CDYL2: variants seen among roughly 807,000 people sequenced by gnomAD.
The protein encoded by CDYL2 is chromodomain Y-like protein 2.
Under a neutral mutation model 49.4 loss-of-function variants are expected in CDYL2, and 23 were observed. The observed-to-expected ratio is 0.47, with a 90% confidence interval of 0.34 to 0.66. The LOEUF is 0.66. Ranked by LOEUF, CDYL2 falls within the 30% of genes least tolerant of loss-of-function variation. CDYL2 has a pLI of 0.01. For synonymous variants in CDYL2, 360 were observed against 268.8 expected (o/e 1.34, Z -3.32); for missense variants, 678 against 656.4 (o/e 1.03, Z -0.36).
intron 3 of CDYL2, among the ~76,000 whole-genome samples, chr16:80,630,086 A>C (rs548893512): frequency 1.3e-5 from 2 of 152,342 alleles, no homozygotes; most frequent in East Asian, 3.9e-4. Context: ...CTCCTCTCAC[A>C]CAGCCTCTTC....
chr16:80,678,952 G>A (rs1437317102), intron 2 of CDYL2, among the ~76,000 whole-genome samples: 5 of 151,104 alleles, frequency 3.3e-5, no homozygotes, highest in South Asian at 2.1e-4. Context: ...ATGAGTTCAC[G>A]TCCTTTGTAG....
At chr16:80,706,828 A>C (rs941879182) in intron 1 of CDYL2, among the ~76,000 whole-genome samples, 2 of 152,218 alleles carry the variant, frequency 1.3e-5, no homozygotes, top group Admixed American at 1.3e-4. Flanking sequence ...GGGAAGGCAG[A>C]AGATAGGCCG....
intron 1 of CDYL2, among the ~76,000 whole-genome samples, chr16:80,760,673 C>T (rs911312032): frequency 2.0e-5 from 3 of 151,900 alleles, no homozygotes; most frequent in African/African-American, 4.8e-5. Context: ...TCATTGTATT[C>T]CTTGTAAGTA....
chr16:80,680,249 C>A (rs1296041064), intron 2 of CDYL2, among the ~76,000 whole-genome samples: 1 of 152,082 alleles, frequency 6.6e-6, no homozygotes, highest in Non-Finnish European at 1.5e-5. Context: ...CTGAATCATG[C>A]AATGTGTGAG....
chr16:80,696,594 G>C (rs995083675), intron 1 of CDYL2, among the ~76,000 whole-genome samples: 1 of 151,654 alleles, frequency 6.6e-6, no homozygotes, highest in African/African-American at 2.4e-5. Flanking sequence ...CCAACAAATT[G>C]GAAAGCCTAG....
At position 80,600,746 on chromosome 16, in the gene CDYL2, T is replaced by G. The variant is rs1279625707; in HGVS notation, c.*3642A>C. ...TCTGTTAAAAAATTTCCACAGAAAC[T>G]AGATTGGAAAATTTAATGGATGTGA... On this transcript the variant is annotated 3_prime_UTR_variant, in exon 7 of 7. Transcript: ENST00000570137. 6.6e-6 allele frequency: 1 copy of G among 151,990 alleles called. No individual in the cohort carries two copies. 9.4% of individuals were successfully genotyped at this position (151,990 alleles called of 1,614,324 possible).
At chr16:80,659,495 T>G (rs1908953197) in intron 2 of CDYL2, among the ~76,000 whole-genome samples, 1 of 152,178 alleles carries the variant, frequency 6.6e-6, no homozygotes, top group Non-Finnish European at 1.5e-5. Context: ...AATATCCTTT[T>G]ATAAAATATC....
chr16:80,686,284 G>T (rs1051144648), intron 1 of CDYL2, among the ~76,000 whole-genome samples: 2 of 152,160 alleles, frequency 1.3e-5, no homozygotes, highest in African/African-American at 4.8e-5. Flanking sequence ...GGGTATGTGA[G>T]GGTTCATTTA....
intron 2 of CDYL2, among the ~76,000 whole-genome samples, chr16:80,636,376 A>C (rs1907824794): frequency 6.6e-6 from 1 of 152,200 alleles, no homozygotes; most frequent in Admixed American, 6.5e-5. Context: ...AAACCCAAAC[A>C]ACCCCATCAA....
chr16:80,644,996 G>A (rs1908271177), intron 2 of CDYL2, among the ~76,000 whole-genome samples: 1 of 152,082 alleles, frequency 6.6e-6, no homozygotes, highest in Non-Finnish European at 1.5e-5. Context: ...ATTCAAGATG[G>A]ATTAAAGACT....
At chr16:80,698,829 C>A in intron 1 of CDYL2, among the ~76,000 whole-genome samples, 1 of 152,028 alleles carries the variant, frequency 6.6e-6, no homozygotes, top group Non-Finnish European at 1.5e-5. Flanking sequence ...AACCATCAAC[C>A]AATTAAAACT....
rs1225034080 is a variant in CDYL2, at chr16:80,600,798, A to T, written c.*3590T>A. On this transcript the variant is annotated 3_prime_UTR_variant, in exon 7 of 7. Transcript: ENST00000570137. ...TAAATTCCAAATAAAAAAAAAGTTT[A>T]CAAAATTTTTAAAACCAAAAATTAA... 2 of 152,144 alleles carry T rather than the reference A, an allele frequency of 1.3e-5. No homozygotes were observed. The highest frequency in any genetic ancestry group is 4.8e-5 in the African/African-American group (2 of 41,398). 9.4% of individuals were successfully genotyped at this position (152,144 alleles called of 1,614,324 possible). A position where few individuals can be genotyped will look rare whatever the true frequency, so the allele number is the denominator to read the frequency against.
At chr16:80,714,063 A>G (rs544475508) in intron 1 of CDYL2, among the ~76,000 whole-genome samples, 72 of 152,296 alleles carry the variant, frequency 4.7e-4, no homozygotes, top group Admixed American at 3.1e-3. Context: ...TGACCCTCAA[A>G]ACCTGTGAGC....
intron 3 of CDYL2, among the ~76,000 whole-genome samples, chr16:80,624,569 G>A (rs964340740): frequency 2.0e-5 from 3 of 152,182 alleles, no homozygotes; most frequent in African/African-American, 7.2e-5. Flanking sequence ...CAGGAGATGA[G>A]CTCACAATCA....
At chr16:80,649,060 T>C (rs1908475087) in intron 2 of CDYL2, among the ~76,000 whole-genome samples, 1 of 152,154 alleles carries the variant, frequency 6.6e-6, no homozygotes, top group African/African-American at 2.4e-5. Context: ...ACTGAAAGCC[T>C]TTCCTCTAAG....
At chr16:80,726,238 T>A (rs930023352) in intron 1 of CDYL2, among the ~76,000 whole-genome samples, 10 of 152,198 alleles carry the variant, frequency 6.6e-5, no homozygotes, top group Admixed American at 6.5e-4. Context: ...TGAGGAACAT[T>A]TTGTAACTCA....
chr16:80,701,939 A>C (rs1346685357), intron 1 of CDYL2, among the ~76,000 whole-genome samples: 1 of 152,202 alleles, frequency 6.6e-6, no homozygotes, highest in Non-Finnish European at 1.5e-5. Context: ...AGGACAGGAA[A>C]AATAAATCAA....
chr16:80,721,569 C>T (rs569725480), intron 1 of CDYL2, among the ~76,000 whole-genome samples: 27 of 152,340 alleles, frequency 1.8e-4, no homozygotes, highest in African/African-American at 6.5e-4. Context: ...TTTGCAAAGC[C>T]AAGCTGCTGG....
intron 1 of CDYL2, among the ~76,000 whole-genome samples, chr16:80,687,071 G>A (rs572104564): frequency 8.5e-5 from 13 of 152,374 alleles, no homozygotes; most frequent in African/African-American, 2.6e-4. Context: ...ATTTCTGGAA[G>A]AGCCTGCAGC....
Sources: gnomAD v4.1 joint callset for allele counts (sites outside exome capture counted in the v4.1 genomes callset) on GRCh38, gnomAD v4.1.1 for gene constraint, MANE v1.5 for transcripts, NCBI Gene and HGNC (gene_info 2026-07-23, HGNC 2026-07-21) for gene names.